The following EIF4G3 variants were observed in gnomAD, a reference collection of about 807,000 sequenced individuals.
EIF4G3 encodes eukaryotic translation initiation factor 4 gamma 3, also known as eIF-4-gamma 3.
A neutral mutation model predicts 186.4 loss-of-function variants in EIF4G3; 34 were observed. The ratio of observed to expected loss-of-function variants is 0.18; its 90% CI spans 0.14 to 0.24. EIF4G3 has a LOEUF of 0.24. Among genes scored for constraint, EIF4G3 ranks in the 10% least tolerant of loss-of-function variants. The pLI is 1.00. For synonymous variants in EIF4G3, 673 were observed against 679.5 expected (o/e 0.99, Z 0.15); for missense variants, 1,536 against 1,948.5 (o/e 0.79, Z 3.99).
At chr1:21,000,295 G>A (rs772904437) in intron 6 of EIF4G3, among the ~76,000 whole-genome samples, 6 of 152,146 alleles carry the variant, frequency 3.9e-5, no homozygotes, top group African/African-American at 1.4e-4. Context: ...AAGATAACCT[G>A]AAGGAAGGAC....
intron 2 of EIF4G3, among the ~76,000 whole-genome samples, chr1:21,131,959 G>C (rs1315034901): frequency 1.3e-5 from 2 of 151,456 alleles, no homozygotes; most frequent in Non-Finnish European, 2.9e-5. Context: ...GAAACAGTGA[G>C]ACACTGTCTC....
chr1:20,814,757 C>CT lies in EIF4G3; in HGVS notation c.4516-1519_4516-1518insA, dbSNP rs1428556351. Reference sequence around the variant, plus strand: ...TAAGGTTAAAAATTCATCTCCCCCTCCCCCTCCCCCTCCCCCTCCCCCTCC... The same window carrying CT: ...TAAGGTTAAAAATTCATCTCCCCCTCTCCCCTCCCCCTCCCCCTCCCCCTCC... On this transcript the variant is annotated intron_variant, in intron 34 of 36. Transcript: ENST00000602326. 1.8e-3 allele frequency among the ~76,000 whole-genome samples: 47 copies of CT among 26,092 alleles called. 2 individuals carry two copies. Among genetic ancestry groups the CT allele is most frequent in the African/African-American group, 8.8e-3 (47 of 5,362 alleles). The allele number at this position is 26,092 out of a possible 152,430, so 17.1% of individuals were successfully genotyped here. A position where few individuals can be genotyped will look rare whatever the true frequency, so the allele number is the denominator to read the frequency against.
At chr1:20,948,231 G>T (rs757204573) in intron 13 of EIF4G3, among the ~76,000 whole-genome samples, 1 of 152,098 alleles carries the variant, frequency 6.6e-6, no homozygotes, top group East Asian at 1.9e-4. Context: ...AAAACATTCC[G>T]AATTTTGACT....
rs1274681215 is a variant in EIF4G3 at position 21,020,949 on chromosome 1, T to C, written c.-66-18141A>G. Among the ~76,000 whole-genome samples, 9 of 152,288 alleles carry C rather than the reference T, an allele frequency of 5.9e-5. No individual in the cohort carries two copies. In the South Asian group the frequency reaches 8.3e-4, roughly 14 times the overall value. On this transcript the variant is annotated intron_variant, in intron 4 of 36. Transcript: ENST00000602326. ...CACATTCCCACTACATAAAGCATTA[T>C]TGTAAAAAGAATGCTGGCATTTATT... is the stretch of plus-strand genomic sequence containing the variant.
In EIF4G3 at chr1:21,051,010, T is replaced by C; in HGVS notation, c.-195-16A>G. ...CTTGTGTTACCTGTGAGGAAATCAA[T>C]ATTTAGTAAGAACATTATATTAGTA... On this transcript the variant is annotated splice_polypyrimidine_tract_variant and intron_variant, in intron 3 of 36. Transcript: ENST00000602326. 1 of 717,324 alleles carries C rather than the reference T, an allele frequency of 1.4e-6. No individual in the cohort carries two copies. The highest frequency in any genetic ancestry group is 2.6e-6 in the Non-Finnish European group (1 of 385,016). The allele number at this position is 717,324 out of a possible 1,614,324, so 44.4% of individuals were successfully genotyped here.
At chr1:20,853,115 GTAT>G (rs1319165174) in intron 27 of EIF4G3, among the ~76,000 whole-genome samples, 4 of 152,222 alleles carry the variant, frequency 2.6e-5, no homozygotes, top group Non-Finnish European at 4.4e-5. Flanking sequence ...ATACTTGACT[GTAT>G]CAATCCTAGA....
At chr1:21,175,948 C>T in intron 2 of EIF4G3, 2 of 229,908 alleles carry the variant, frequency 8.7e-6, no homozygotes, top group Non-Finnish European at 1.7e-5. Flanking sequence ...AGAAGCATGG[C>T]CAAGTGGGGC....
chr1:20,821,700 TCTTCCCTATTATGTATA>T (rs1196685276), intron 33 of EIF4G3, among the ~76,000 whole-genome samples: 6 of 151,460 alleles, frequency 4.0e-5, no homozygotes, highest in South Asian at 2.1e-4. Context: ...TACTTCACCA[TCTTCCCTATTATGTATA>T]CTTCCCTATT....
Position 20,865,107 on chromosome 1 carries a change from A to T in EIF4G3, c.2769+9T>A. ...TGTACAAGCACTGTCTTTCTATGAA[A>T]ATACTTACAGCACTGGCAGCCTCAA... On this transcript the variant is annotated intron_variant, in intron 21 of 36. Coordinates refer to ENST00000602326, the MANE Select transcript of EIF4G3 (RefSeq NM_001391906.1). The T allele has an allele frequency of 6.2e-7, 1 of 1,613,980 alleles. No homozygotes were observed. Among genetic ancestry groups the T allele is most frequent in the Non-Finnish European group, 8.5e-7 (1 of 1,179,942 alleles).
chr1:20,815,652 G>C (rs1224945371), intron 34 of EIF4G3, among the ~76,000 whole-genome samples: 1 of 144,542 alleles, frequency 6.9e-6, no homozygotes, highest in South Asian at 2.3e-4. Context: ...AGGGAGGTGG[G>C]GGGGGGTCAG....
At chr1:20,991,762 A>C (rs2081179260) in intron 7 of EIF4G3, among the ~76,000 whole-genome samples, 1 of 152,112 alleles carries the variant, frequency 6.6e-6, no homozygotes, top group African/African-American at 2.4e-5. Context: ...GTTCTGTCAG[A>C]TCATAAGGGA....
intron 14 of EIF4G3, among the ~76,000 whole-genome samples, chr1:20,910,481 G>T (rs2093015407): frequency 6.6e-6 from 1 of 152,160 alleles, no homozygotes; most frequent in South Asian, 2.1e-4. Context: ...CTACTCAGGA[G>T]GCTGAGGTAG....
intron 36 of EIF4G3, 83 bp from the exon 37 acceptor site, chr1:20,807,583 T>C: frequency 8.3e-7 from 1 of 1,206,586 alleles, no homozygotes; most frequent in South Asian, 2.2e-5. Flanking sequence ...AATGAATGAC[T>C]GAATAAATGT....
At chr1:20,989,081 GGGAGA>G (rs1553394546) in intron 7 of EIF4G3, among the ~76,000 whole-genome samples, 409 of 36,852 alleles carry the variant, frequency 0.011, 2 homozygotes, top group Non-Finnish European at 0.017. Flanking sequence ...GGGAGGGGAG[GGGAGA>G]GGAGAGGAGA....
At chr1:20,826,255 C>G (rs1436802712) in intron 32 of EIF4G3, among the ~76,000 whole-genome samples, 1 of 152,140 alleles carries the variant, frequency 6.6e-6, no homozygotes, top group African/African-American at 2.4e-5. Context: ...CAACCTCCAC[C>G]TCCCAGATTC....
intron 4 of EIF4G3, among the ~76,000 whole-genome samples, chr1:21,024,043 G>A (rs961063626): frequency 6.6e-6 from 1 of 150,424 alleles, no homozygotes; most frequent in African/African-American, 2.4e-5. Flanking sequence ...TCTGAGAAGT[G>A]AGGAGACCCT....
intron 14 of EIF4G3, among the ~76,000 whole-genome samples, chr1:20,913,652 C>T (rs1376527019): frequency 6.6e-6 from 1 of 152,028 alleles, no homozygotes; most frequent in Non-Finnish European, 1.5e-5. Flanking sequence ...CCTCAATAAC[C>T]ACCTTTTGGT....
intron 14 of EIF4G3, among the ~76,000 whole-genome samples, chr1:20,917,686 G>A (rs948686747): frequency 2.6e-5 from 4 of 152,086 alleles, no homozygotes; most frequent in African/African-American, 9.7e-5. Context: ...TGATAAATAC[G>A]ATTATAGTTA....
intron 5 of EIF4G3, among the ~76,000 whole-genome samples, chr1:21,002,156 A>T (rs188974144): frequency 8.5e-5 from 13 of 152,350 alleles, no homozygotes; most frequent in Admixed American, 8.5e-4. Context: ...GTAAAGGATG[A>T]ACAAAGAGGA....
Sources: gnomAD v4.1 joint callset for allele counts (sites outside exome capture counted in the v4.1 genomes callset) on GRCh38, gnomAD v4.1.1 for gene constraint, MANE v1.5 for transcripts, NCBI Gene and HGNC (gene_info 2026-07-23, HGNC 2026-07-21) for gene names.